The following PTPRG variants were observed in gnomAD, a reference collection of about 807,000 sequenced individuals.
PTPRG encodes the protein protein tyrosine phosphatase receptor type G.
A neutral mutation model predicts 165.3 loss-of-function variants in PTPRG; 102 were observed. The ratio of observed to expected loss-of-function variants is 0.62; its 90% CI spans 0.53 to 0.73. PTPRG has a LOEUF of 0.73. PTPRG is among the 30% of genes least tolerant of loss of function. The pLI, the probability that PTPRG is intolerant of heterozygous loss-of-function variation, is 0.00. For synonymous variants in PTPRG, 675 were observed against 669.5 expected (o/e 1.01, Z -0.13); for missense variants, 1,866 against 1,861.4 (o/e 1.00, Z -0.05).
chr3:61,804,690 A>T lies in PTPRG; in HGVS notation c.190+55708A>T, dbSNP rs568708249. Reference sequence around the variant, plus strand: ...TGTCTTTCTCTCTCCAAAAAAAAAAAAAAAATAAAATCTACCTTGATGTGT... The same window carrying T: ...TGTCTTTCTCTCTCCAAAAAAAAAATAAAAATAAAATCTACCTTGATGTGT... On this transcript the variant is annotated intron_variant, in intron 2 of 29. Transcript: ENST00000474889. Among the ~76,000 whole-genome samples the T allele has an allele frequency of 4.4e-4, 67 of 152,072 alleles. No individual in the cohort carries two copies. The South Asian group carries it at 0.012, about 28-fold the overall frequency.
intron 2 of PTPRG, among the ~76,000 whole-genome samples, chr3:61,774,777 T>C (rs914379496): frequency 7.9e-5 from 12 of 152,212 alleles, no homozygotes; most frequent in Admixed American, 7.9e-4. Flanking sequence ...CTCATCCACA[T>C]ATGGCTATTG....
chr3:61,740,109 A>T (rs1017667014), intron 1 of PTPRG, among the ~76,000 whole-genome samples: 5 of 152,208 alleles, frequency 3.3e-5, no homozygotes, highest in African/African-American at 1.2e-4. Flanking sequence ...TCTGCTGGCC[A>T]TTAAAGATAT....
chr3:61,589,713 C>T (rs929674597), intron 1 of PTPRG, among the ~76,000 whole-genome samples: 2 of 152,044 alleles, frequency 1.3e-5, no homozygotes, highest in African/African-American at 4.8e-5. Flanking sequence ...ATGCTTAGCA[C>T]ATGGGGACAC....
At chr3:61,924,652 A>T (rs1004364961) in intron 2 of PTPRG, among the ~76,000 whole-genome samples, 1 of 152,196 alleles carries the variant, frequency 6.6e-6, no homozygotes, top group Admixed American at 6.5e-5. Context: ...AGAAGATGGG[A>T]TGAAGTATTT....
At chr3:61,930,581 A>T (rs1424378182) in intron 2 of PTPRG, among the ~76,000 whole-genome samples, 1 of 152,228 alleles carries the variant, frequency 6.6e-6, no homozygotes, top group African/African-American at 2.4e-5. Flanking sequence ...GGAGGAAAGG[A>T]TGGAAAATAC....
chr3:62,096,001 C>T (rs11917530), intron 5 of PTPRG, among the ~76,000 whole-genome samples: 11 of 151,918 alleles, frequency 7.2e-5, no homozygotes, highest in African/African-American at 2.7e-4. Flanking sequence ...TCTTGGGGAG[C>T]CAATGAAAAA....
chr3:61,603,815 T>C (rs1700928451), intron 1 of PTPRG, among the ~76,000 whole-genome samples: 2 of 152,200 alleles, frequency 1.3e-5, no homozygotes, highest in Admixed American at 1.3e-4. Flanking sequence ...GCACTCTACC[T>C]GTGTCTGTGT....
intron 3 of PTPRG, among the ~76,000 whole-genome samples, chr3:61,990,526 TGTTGTGCAAATATCA>T (rs1218235164): frequency 1.3e-5 from 2 of 152,224 alleles, no homozygotes; most frequent in African/African-American, 4.8e-5. Flanking sequence ...TCTCAATTAC[TGTTGTGCAAATATCA>T]GTTTATAGAT....
At chr3:61,612,647 C>T (rs1419134062) in intron 1 of PTPRG, among the ~76,000 whole-genome samples, 1 of 152,152 alleles carries the variant, frequency 6.6e-6, no homozygotes, top group Admixed American at 6.5e-5. Flanking sequence ...CCCCCGTCTT[C>T]TCTACATTAA....
At chr3:62,027,026 T>TTAC (rs1422519095) in intron 4 of PTPRG, among the ~76,000 whole-genome samples, 1 of 152,180 alleles carries the variant, frequency 6.6e-6, no homozygotes, top group Admixed American at 6.5e-5. Context: ...CCTATTGTTG[T>TTAC]TACTACTACT....
At chr3:62,176,444 C>T (rs1351342049) in intron 8 of PTPRG, among the ~76,000 whole-genome samples, 2 of 152,150 alleles carry the variant, frequency 1.3e-5, no homozygotes, top group Non-Finnish European at 2.9e-5. Flanking sequence ...CAAGGGACCG[C>T]CATCTTCCAC....
intron 2 of PTPRG, among the ~76,000 whole-genome samples, chr3:61,894,169 T>A (rs2038288021): frequency 6.6e-6 from 1 of 151,682 alleles, no homozygotes; most frequent in African/African-American, 2.4e-5. Context: ...CTGGGTGTAG[T>A]GGTGCGTGCC....
intron 8 of PTPRG, among the ~76,000 whole-genome samples, chr3:62,169,791 T>A (rs1460094015): frequency 6.6e-6 from 1 of 152,160 alleles, no homozygotes; most frequent in East Asian, 1.9e-4. Context: ...GGGCTACTGT[T>A]AGTGTGGTAC....
intron 2 of PTPRG, among the ~76,000 whole-genome samples, chr3:61,895,499 C>G (rs772633758): frequency 1.4e-4 from 21 of 152,180 alleles, no homozygotes; most frequent in African/African-American, 2.4e-5. Flanking sequence ...CTTGTAAAAT[C>G]GCATGCTGTG....
At chr3:62,073,938 C>A (rs1701291892) in intron 4 of PTPRG, among the ~76,000 whole-genome samples, 2 of 152,192 alleles carry the variant, frequency 1.3e-5, no homozygotes, top group African/African-American at 4.8e-5. Context: ...AGATTGAGTT[C>A]TGGACTGAGA....
chr3:61,948,280 G>A (rs112885376), intron 2 of PTPRG, among the ~76,000 whole-genome samples: 2,893 of 152,062 alleles, frequency 0.019, 80 homozygotes, highest in African/African-American at 0.065. Context: ...AGCCGAGATC[G>A]CTCCATTGCA....
At chr3:62,174,430 G>C (rs566959713) in intron 8 of PTPRG, among the ~76,000 whole-genome samples, 11 of 152,144 alleles carry the variant, frequency 7.2e-5, no homozygotes, top group African/African-American at 2.7e-4. Flanking sequence ...TGTTTTTTTG[G>C]TGAGTGTTTT....
At chr3:61,768,566 T>G (rs1427809075) in intron 2 of PTPRG, among the ~76,000 whole-genome samples, 1 of 152,200 alleles carries the variant, frequency 6.6e-6, no homozygotes, top group Admixed American at 6.5e-5. Context: ...AGGAGGCTGT[T>G]CACAGGCTTT....
intron 6 of PTPRG, among the ~76,000 whole-genome samples, chr3:62,133,323 C>T (rs781211155): frequency 6.6e-6 from 1 of 152,058 alleles, no homozygotes; most frequent in African/African-American, 2.4e-5. Context: ...GGTGTGTAGT[C>T]GAGATGTAAT....
Sources: allele counts gnomAD v4.1 joint callset (sites outside exome capture counted in the v4.1 genomes callset), GRCh38; gene constraint gnomAD v4.1.1; transcripts MANE v1.5; gene names NCBI Gene and HGNC (gene_info 2026-07-23, HGNC 2026-07-21).